The following ABI3BP variants were observed in gnomAD, a reference collection of about 807,000 sequenced individuals.
The protein encoded by ABI3BP is target of Nesh-SH3.
ABI3BP carries 216 observed loss-of-function variants against 268.6 expected under a neutral mutation model. That is an observed-to-expected ratio of 0.80 (90% CI 0.72 to 0.90). The LOEUF is 0.90. Among genes scored for constraint, ABI3BP ranks in the 40% least tolerant of loss-of-function variants. The pLI, the probability that ABI3BP is intolerant of heterozygous loss-of-function variation, is 0.00. For missense variants in ABI3BP, 2,090 were observed against 2,182.4 expected (o/e 0.96, Z 0.84); for synonymous variants, 730 against 730.0 (o/e 1.00, Z 0.00).
chr3:100,990,861 C>T (rs1230270525), intron 1 of ABI3BP, among the ~76,000 whole-genome samples: 2 of 151,962 alleles, frequency 1.3e-5, no homozygotes, highest in Non-Finnish European at 2.9e-5. Flanking sequence ...ACTGAATCTG[C>T]CCTGCTTTGG....
chr3:100,846,161 T>A (rs544220513), intron 20 of ABI3BP, among the ~76,000 whole-genome samples: 24 of 152,330 alleles, frequency 1.6e-4, no homozygotes, highest in Non-Finnish European at 1.5e-4. Flanking sequence ...TTCTGTGTTT[T>A]CTCTGTGATG....
At chr3:100,900,404 A>G (rs1017876407) in intron 3 of ABI3BP, among the ~76,000 whole-genome samples, 3 of 152,244 alleles carry the variant, frequency 2.0e-5, no homozygotes, top group African/African-American at 7.2e-5. Flanking sequence ...GGCACAGAGA[A>G]GTTTCAAGAT....
At chr3:100,906,089 G>A (rs567074533) in intron 2 of ABI3BP, among the ~76,000 whole-genome samples, 14 of 152,176 alleles carry the variant, frequency 9.2e-5, no homozygotes, top group Admixed American at 2.0e-4. Context: ...TTCCTAAATT[G>A]TTCTCACTCT....
At chr3:100,858,529 C>G (rs1025643096) in intron 14 of ABI3BP, among the ~76,000 whole-genome samples, 3 of 152,172 alleles carry the variant, frequency 2.0e-5, no homozygotes, top group African/African-American at 7.2e-5. Flanking sequence ...AAGAATGGTA[C>G]AGAAATCTTT....
At chr3:100,846,010 G>A (rs1440429510) in intron 20 of ABI3BP, among the ~76,000 whole-genome samples, 1 of 152,070 alleles carries the variant, frequency 6.6e-6, no homozygotes, top group Non-Finnish European at 1.5e-5. Context: ...ATAATGCAGA[G>A]TTCTTAGAAG....
chr3:100,874,364 T>C lies in ABI3BP; in HGVS notation c.910+477A>G, dbSNP rs567151273. On this transcript the variant is annotated intron_variant, in intron 9 of 67. Transcript: ENST00000471714. ...ATTTATTCCCTGGCCCTTTTTTAAG[T>C]GGATTTTCCGTTTTTTTCTTTTACT... Among the ~76,000 whole-genome samples the C allele has an allele frequency of 5.3e-5, 8 of 152,294 alleles. No individual in the cohort carries two copies. In the South Asian group the frequency reaches 1.7e-3, roughly 32 times the overall value.
At chr3:100,968,755 A>G (rs938983330) in intron 1 of ABI3BP, among the ~76,000 whole-genome samples, 4 of 152,108 alleles carry the variant, frequency 2.6e-5, no homozygotes, top group Non-Finnish European at 5.9e-5. Flanking sequence ...TTTGTTACAT[A>G]GGTATACACG....
chr3:100,857,259 A>G (rs1365398949), intron 14 of ABI3BP, among the ~76,000 whole-genome samples: 4 of 152,218 alleles, frequency 2.6e-5, no homozygotes. Flanking sequence ...AGTTGGGATA[A>G]ACAGTATGAT....
intron 1 of ABI3BP, among the ~76,000 whole-genome samples, chr3:100,971,805 G>T (rs764265020): frequency 6.6e-4 from 101 of 152,144 alleles, no homozygotes; most frequent in Non-Finnish European, 6.2e-4. Flanking sequence ...GATGTGTTTT[G>T]CTCTTTGTCC....
At chr3:100,853,795 T>G (rs1315136493) in intron 14 of ABI3BP, among the ~76,000 whole-genome samples, 1 of 152,234 alleles carries the variant, frequency 6.6e-6, no homozygotes, top group African/African-American at 2.4e-5. Flanking sequence ...TTGGCAACTG[T>G]GGCTCAAATC....
chr3:100,864,699 C>G lies in ABI3BP; in HGVS notation c.1063+134G>C, dbSNP rs1426056965. On this transcript the variant is annotated intron_variant, in intron 11 of 67. Coordinates refer to ENST00000471714, the MANE Select transcript of ABI3BP (RefSeq NM_001375547.2). Reference sequence around the variant, plus strand: ...CAAGAAAGAGGAAGGTTAACCACTGCCAGGAAGGAAGGAAAAGGAGAAAGT... The same window carrying G: ...CAAGAAAGAGGAAGGTTAACCACTGGCAGGAAGGAAGGAAAAGGAGAAAGT... 26 of 656,400 alleles carry G rather than the reference C, an allele frequency of 4.0e-5. No homozygotes were observed. The Admixed American group carries it at 7.5e-4, about 19-fold the overall frequency. 40.7% of individuals were successfully genotyped at this position (656,400 alleles called of 1,614,324 possible).
At chr3:100,792,280 G>A (rs2097216641) in intron 55 of ABI3BP, among the ~76,000 whole-genome samples, 1 of 151,586 alleles carries the variant, frequency 6.6e-6, no homozygotes, top group African/African-American at 2.4e-5. Flanking sequence ...CATCAAATGG[G>A]GGAAGATTGG....
At chr3:100,868,941 T>TG (rs1231091943) in intron 9 of ABI3BP, among the ~76,000 whole-genome samples, 2 of 152,196 alleles carry the variant, frequency 1.3e-5, no homozygotes, top group Non-Finnish European at 2.9e-5. Flanking sequence ...TCAAGCACTC[T>TG]GTTCCTATTA....
intron 1 of ABI3BP, among the ~76,000 whole-genome samples, chr3:100,937,244 G>A (rs2066573566): frequency 6.6e-6 from 1 of 152,022 alleles, no homozygotes; most frequent in Admixed American, 6.6e-5. Context: ...CATACATTTT[G>A]AGTGTAAATT....
intron 61 of ABI3BP, among the ~76,000 whole-genome samples, chr3:100,771,168 C>A (rs770294086): frequency 6.6e-6 from 1 of 152,142 alleles, no homozygotes; most frequent in Non-Finnish European, 1.5e-5. Flanking sequence ...ATAAGTTTAG[C>A]TTATGCTAAT....
At chr3:100,919,352 A>G (rs968398492) in intron 2 of ABI3BP, among the ~76,000 whole-genome samples, 4 of 152,208 alleles carry the variant, frequency 2.6e-5, no homozygotes, top group Non-Finnish European at 2.9e-5. Flanking sequence ...ATAGAGCATT[A>G]TTAAACACTT....
In ABI3BP at chr3:100,875,539, T is replaced by C; in HGVS notation, c.786A>G (p.Pro262=). The C allele has an allele frequency of 1.2e-6, 2 of 1,613,472 alleles. No individual in the cohort carries two copies. Among genetic ancestry groups the C allele is most frequent in the East Asian group, 2.2e-5 (1 of 44,876 alleles). The change falls in exon 8 of 68, where the codon CCA becomes CCG. Residue 262 remains proline (P), a synonymous_variant. Transcript: ENST00000471714. ...TCACTCCTCCCAGTGGAGCTTTTTC[T>C]GGGGATTTAGCTGAATCCTTGTGAG... ...NVTHKDSAKS[P]EKAPLGGVIL...
intron 1 of ABI3BP, among the ~76,000 whole-genome samples, chr3:100,957,769 G>T (rs2077328403): frequency 1.3e-5 from 2 of 152,188 alleles, no homozygotes; most frequent in Non-Finnish European, 2.9e-5. Flanking sequence ...ATTTGACCCT[G>T]GTTCCGCCTG....
intron 15 of ABI3BP, among the ~76,000 whole-genome samples, chr3:100,851,067 C>T (rs2098832319): frequency 6.6e-6 from 1 of 152,054 alleles, no homozygotes; most frequent in Admixed American, 6.6e-5. Context: ...TTATTTTCTG[C>T]TCTTTAAAAT....
Sources: gnomAD v4.1 joint callset for allele counts (sites outside exome capture counted in the v4.1 genomes callset) on GRCh38, gnomAD v4.1.1 for gene constraint, MANE v1.5 for transcripts, NCBI Gene and HGNC (gene_info 2026-07-23, HGNC 2026-07-21) for gene names.